Variants in MOK observed in about 807,000 individuals in gnomAD.
MOK encodes MOK protein kinase.
Under a neutral mutation model 54.2 loss-of-function variants are expected in MOK, and 59 were observed. That is an observed-to-expected ratio of 1.09 (90% CI 0.88 to 1.35). The LOEUF (loss-of-function observed/expected upper bound fraction) is 1.35. Ranked by LOEUF, MOK falls within the 40% of genes most tolerant of loss-of-function variation. The pLI is 0.00. For synonymous variants in MOK, 210 were observed against 202.7 expected (o/e 1.04, Z -0.31); for missense variants, 517 against 526.2 (o/e 0.98, Z 0.17).
chr14:102,265,708 G>T, intron 3 of MOK, 115 bp downstream of exon 3: 2 of 735,760 alleles, frequency 2.7e-6, no homozygotes, highest in Non-Finnish European at 2.2e-6. Flanking sequence ...AAGTAAAAAT[G>T]GTTACTCTCT....
At chr14:102,300,323 C>CAAA (rs71468398) in intron 1 of MOK, among the ~76,000 whole-genome samples, 23 of 38,284 alleles carry the variant, frequency 6.0e-4, no homozygotes, top group African/African-American at 1.2e-3. Flanking sequence ...AACTCTATCT[C>CAAA]AAAAAAAAAA....
chr14:102,226,587 G>T (rs1028001477), downstream of MOK, among the ~76,000 whole-genome samples: 7 of 152,100 alleles, frequency 4.6e-5, no homozygotes, highest in African/African-American at 1.7e-4. The surrounding 1 kb of genome is among the most constrained non-coding windows in gnomAD (Gnocchi z 4.8). Flanking sequence ...CTCAGCCCTG[G>T]CCCCCATCAC....
the MOK span, among the ~76,000 whole-genome samples, chr14:102,217,920 G>A: frequency 4.6e-3 from 698 of 152,364 alleles, 6 homozygotes; most frequent in African/African-American, 0.016. Flanking sequence ...GATTCTGCCA[G>A]GAGCACCTGC....
At chr14:102,284,286 G>A (rs1008510667) in intron 1 of MOK, among the ~76,000 whole-genome samples, 1 of 152,004 alleles carries the variant, frequency 6.6e-6, no homozygotes, top group Non-Finnish European at 1.5e-5. Flanking sequence ...TATTGGTCAG[G>A]TGGCAAAATG....
intron 7 of MOK, among the ~76,000 whole-genome samples, chr14:102,242,235 C>T (rs566401332): frequency 6.6e-6 from 1 of 152,294 alleles, no homozygotes; most frequent in East Asian, 1.9e-4. Flanking sequence ...ACCTTCTTTT[C>T]CCTTGCCTCC....
downstream of MOK, chr14:102,226,262 G>A: frequency 1.5e-6 from 1 of 687,312 alleles, no homozygotes; most frequent in Non-Finnish European, 2.7e-6. The surrounding 1 kb of genome is among the most constrained non-coding windows in gnomAD (Gnocchi z 4.8). Context: ...TCAGGAGGGT[G>A]AGGTGGGTGG....
chr14:102,276,684 T>C (rs2068893281), intron 2 of MOK, among the ~76,000 whole-genome samples: 1 of 150,520 alleles, frequency 6.6e-6, no homozygotes, highest in Non-Finnish European at 1.5e-5. Context: ...CCAGCTACTC[T>C]GGAGGCTGAG....
downstream of MOK, chr14:102,226,558 C>T: frequency 1.5e-6 from 1 of 659,106 alleles, no homozygotes; most frequent in Non-Finnish European, 2.7e-6. The surrounding 1 kb of genome is among the most constrained non-coding windows in gnomAD (Gnocchi z 4.8). Flanking sequence ...ATGGGCTGAG[C>T]CAGCCTGGCC....
chr14:102,266,434 A>T (rs185766220), intron 2 of MOK, among the ~76,000 whole-genome samples: 136 of 151,458 alleles, frequency 9.0e-4, no homozygotes, highest in African/African-American at 3.1e-3. Flanking sequence ...CCTCCTGAGT[A>T]GCTGGGACCA....
the MOK span, among the ~76,000 whole-genome samples, chr14:102,217,237 A>G: frequency 6.6e-6 from 1 of 152,218 alleles, no homozygotes; most frequent in Non-Finnish European, 1.5e-5. Context: ...GAGGGCCTCC[A>G]GTGACAGCCC....
chr14:102,215,947 G>C, the MOK span, among the ~76,000 whole-genome samples: 2 of 152,188 alleles, frequency 1.3e-5, no homozygotes, highest in Non-Finnish European at 1.5e-5. Flanking sequence ...GAGTGAGGGC[G>C]AGCTGGCCTC....
chr14:102,299,657 C>G (rs2071932249), intron 1 of MOK, among the ~76,000 whole-genome samples: 2 of 152,140 alleles, frequency 1.3e-5, no homozygotes, highest in Admixed American at 6.5e-5. Context: ...GTGATCCCAG[C>G]TCACTACAGC....
chr14:102,294,245 C>G (rs10148227), intron 1 of MOK, among the ~76,000 whole-genome samples: 5,256 of 150,786 alleles, frequency 0.035, 169 homozygotes, highest in African/African-American at 0.076. Context: ...AGGAGATCAA[C>G]ACCATCCTGG....
chr14:102,245,107 C>G lies in MOK; in HGVS notation c.590+5705G>C, dbSNP rs1380816989. ...GTTTTTCTCCTTCTCTTATTTGGAC[C>G]TTGTGTCTTCCGTTTAGCTCTCAAT... On this transcript the variant is annotated intron_variant, in intron 7 of 11. Transcript: ENST00000361847. This position sits in a 1 kb window ranked among gnomAD's most constrained non-coding sequence, Gnocchi z 4.3. Among the ~76,000 whole-genome samples the G allele has an allele frequency of 6.6e-6, 1 of 152,070 alleles. No individual in the cohort carries two copies. Among genetic ancestry groups the G allele is most frequent in the African/African-American group, 2.4e-5 (1 of 41,396 alleles).
chr14:102,242,780 T>A (rs1180095375), intron 7 of MOK, among the ~76,000 whole-genome samples: 1 of 152,194 alleles, frequency 6.6e-6, no homozygotes, highest in East Asian at 1.9e-4. Context: ...GTTTTGCCTA[T>A]CCACCCTGTA....
At chr14:102,246,791 C>A (rs1160629448) in intron 7 of MOK, among the ~76,000 whole-genome samples, 1 of 152,172 alleles carries the variant, frequency 6.6e-6, no homozygotes, top group Non-Finnish European at 1.5e-5. Flanking sequence ...GGAACCGTAA[C>A]AACCCACACA....
In MOK at chr14:102,231,805, C is replaced by A. The variant is rs778767225; in HGVS notation, c.883G>T (p.Ala295Ser). The A allele has an allele frequency of 1.2e-5, 19 of 1,611,458 alleles. No homozygotes were observed. The South Asian group carries it at 1.9e-4, about 16-fold the overall frequency. ...CCAGCTTTTCTGTGGCTGCCCAGAG[C>A]CCGCTTCTCTGTTTTCCTACGGGGA... ...FQEQRKTEKRALGSHRKAGFP... is the reference protein window; with the variant it reads ...FQEQRKTEKRSLGSHRKAGFP... The change falls in exon 10 of 12, where the codon GCT (alanine) becomes TCT (serine). Residue 295 changes from alanine (A) to serine (S), a missense_variant. Ala to Ser is a moderately conservative substitution (Grantham distance 99). Coordinates refer to ENST00000361847, the MANE Select transcript of MOK (RefSeq NM_014226.3). The surrounding 1 kb of genome is among the most constrained non-coding windows in gnomAD (Gnocchi z 4.4).
Position 102,232,614 on chromosome 14 carries a change from G to T in MOK, c.787C>A (p.His263Asn). Residue 263 changes from histidine (H) to asparagine (N), a missense_variant, in exon 9 of 12, where the codon CAC (histidine) becomes AAC (asparagine). Coordinates refer to ENST00000361847, the MANE Select transcript of MOK (RefSeq NM_014226.3). This position sits in a 1 kb window ranked among gnomAD's most constrained non-coding sequence, Gnocchi z 5.1. ...TCGGGATCATAGGCCACCATTGCGT[G>T]CAGGAGGGAGAGGCATTGTGGGGAC... ...NLSPQCLSLL[H>N]AMVAYDPDER... The T allele has an allele frequency of 6.2e-7, 1 of 1,614,164 alleles. No homozygotes were observed. The highest frequency in any genetic ancestry group is 8.5e-7 in the Non-Finnish European group (1 of 1,180,002).
chr14:102,249,291 C>T lies in MOK; in HGVS notation c.590+1521G>A, dbSNP rs1355279313. On this transcript the variant is annotated intron_variant, in intron 7 of 11. Transcript: ENST00000361847. The surrounding 1 kb of genome is among the most constrained non-coding windows in gnomAD (Gnocchi z 5.3). ...ATAAATAACCCCACAGTGAGCCTCC[C>T]ATCGGCCAAGGGGAGTTTTGCTGAC... Among the ~76,000 whole-genome samples the T allele has an allele frequency of 6.6e-6, 1 of 152,198 alleles. No individual in the cohort carries two copies. The highest frequency in any genetic ancestry group is 1.5e-5 in the Non-Finnish European group (1 of 68,034).
Sources: allele counts gnomAD v4.1 joint callset (sites outside exome capture counted in the v4.1 genomes callset), GRCh38; gene constraint gnomAD v4.1.1; non-coding constraint Gnocchi (gnomAD v3.1); transcripts MANE v1.5; gene names NCBI Gene and HGNC (gene_info 2026-07-23, HGNC 2026-07-21).